CUBN: variants seen among roughly 807,000 people sequenced by gnomAD.
CUBN encodes 460 kDa receptor.
In CUBN, 282 loss-of-function variants were observed where a neutral mutation model predicts 405.3. The observed-to-expected ratio is 0.70, with a 90% CI of 0.63 to 0.77. The LOEUF is 0.77. Ranked by LOEUF, CUBN falls within the 30% of genes least tolerant of loss-of-function variation. CUBN has a pLI of 0.00. For missense variants in CUBN, 4,514 were observed against 4,475.2 expected, an observed-to-expected ratio of 1.01 and a Z score of -0.25; for synonymous variants, 1,684 against 1,617.0, an observed-to-expected ratio of 1.04 and a Z score of -0.99.
At chr10:17,008,150 C>CA (rs954862775) in intron 28 of CUBN, among the ~76,000 whole-genome samples, 63 of 147,952 alleles carry the variant, frequency 4.3e-4, no homozygotes, top group African/African-American at 1.2e-3. Context: ...CACCTCGTCT[C>CA]AAAAAAAAAA....
intron 63 of CUBN, 124 bp from the exon 64 acceptor site, chr10:16,835,319 C>T: frequency 1.2e-6 from 1 of 854,422 alleles, no homozygotes; most frequent in Non-Finnish European, 1.9e-6. Flanking sequence ...AATCCAGCTT[C>T]TTCGTTTACC....
At chr10:17,049,878 A>G (rs1286887183) in intron 22 of CUBN, among the ~76,000 whole-genome samples, 1 of 152,194 alleles carries the variant, frequency 6.6e-6, no homozygotes, top group African/African-American at 2.4e-5. Context: ...ATATTTTGTA[A>G]TTGTTTTTAT....
rs778517256 is a variant in CUBN at position 16,918,759 on chromosome 10, G to A, written c.6863C>T (p.Ser2288Leu). The change falls in exon 45 of 67, where the codon TCG (serine) becomes TTG (leucine). Residue 2288 changes from serine to leucine, a missense_variant. Physicochemically the swap from Ser to Leu is moderately radical, Grantham distance 145. This residue lies in a region of CUBN where 1,613 missense variants were observed against 1,542.8 expected (regional missense o/e 1.05). Coordinates refer to ENST00000377833, the MANE Select transcript of CUBN (RefSeq NM_001081.4). Reference sequence around the variant, plus strand: ...AAATTTGGAAAGTATTGGTGCATCCGAATCCACTCCATCCCGCAACTCAAG... The same window carrying A: ...AAATTTGGAAAGTATTGGTGCATCCAAATCCACTCCATCCCGCAACTCAAG... ...NYLELRDGVD[S>L]DAPILSKFCG... The A allele has an allele frequency of 1.6e-5, 26 of 1,613,700 alleles. No individual in the cohort carries two copies. Among genetic ancestry groups the A allele is most frequent in the African/African-American group, 2.7e-5 (2 of 74,882 alleles).
chr10:16,925,255 T>C lies in CUBN; in HGVS notation c.6632A>G (p.Glu2211Gly). The C allele has an allele frequency of 6.2e-7, 1 of 1,612,542 alleles. No homozygotes were observed. Among genetic ancestry groups the C allele is most frequent in the Non-Finnish European group, 8.5e-7 (1 of 1,178,670 alleles). ...NEGQGFKIKY[E>G]AKSLACGGNV... ...AAAATACTTACCTAAACTCTTTGCC[T>C]CATATTTGATTTTAAATCCTTGCCC... The change falls in exon 43 of 67, where the codon GAG becomes GGG. Residue 2211 changes from glutamate to glycine, a missense_variant. Transcript: ENST00000377833.
At chr10:16,963,188 TTTTTTTTC>T (rs1360820797) in intron 31 of CUBN, among the ~76,000 whole-genome samples, 1 of 22,714 alleles carries the variant, frequency 4.4e-5, no homozygotes, top group African/African-American at 1.2e-4. Context: ...TTTTCTTTTC[TTTTTTTTC>T]TTTTTTTTTT....
At chr10:17,080,129 ACACAG>A (rs1319187746) in intron 17 of CUBN, among the ~76,000 whole-genome samples, 1 of 152,146 alleles carries the variant, frequency 6.6e-6, no homozygotes, top group East Asian at 1.9e-4. Flanking sequence ...AGGTTTTGAT[ACACAG>A]CATTTCCTGT....
chr10:17,005,716 C>A (rs965907664), intron 28 of CUBN, among the ~76,000 whole-genome samples: 1 of 152,134 alleles, frequency 6.6e-6, no homozygotes, highest in Non-Finnish European at 1.5e-5. Flanking sequence ...ACTTGGTTTA[C>A]CTGCCTTGCC....
chr10:16,863,946 C>T (rs142975886), intron 59 of CUBN, among the ~76,000 whole-genome samples: 6 of 152,214 alleles, frequency 3.9e-5, no homozygotes, highest in East Asian at 1.9e-4. Context: ...GAGTGTGATC[C>T]GGTATTCCTA....
chr10:16,880,231 A>G (rs957957093), intron 56 of CUBN, among the ~76,000 whole-genome samples: 1 of 152,198 alleles, frequency 6.6e-6, no homozygotes, highest in Admixed American at 6.5e-5. Flanking sequence ...GATTAGAGTC[A>G]CTGTTGCTAT....
At chr10:17,081,804 T>C (rs1368524097) in intron 17 of CUBN, among the ~76,000 whole-genome samples, 1 of 152,230 alleles carries the variant, frequency 6.6e-6, no homozygotes, top group Non-Finnish European at 1.5e-5. Context: ...TTGACCTTTG[T>C]GAGCCTCAAT....
In CUBN at chr10:17,085,728, A is replaced by G. The variant is rs538292107; in HGVS notation, c.1979T>C (p.Leu660Pro). 6.2e-7 allele frequency: 1 copy of G among 1,614,086 alleles called. No individual in the cohort carries two copies. The highest frequency in any genetic ancestry group is 1.1e-5 in the South Asian group (1 of 91,074). ...IRDGPLYQDP[L>P]LGKFCTTFSV... ...GAAAGTGGTGCAGAACTTCCCAAGA[A>G]GGGGGTCCTGATACAAAGGACCATC... Residue 660 changes from leucine (L) to proline (P), a missense_variant, in exon 16 of 67, where the codon CTT becomes CCT. Leu to Pro is a moderately conservative substitution (Grantham distance 98). Transcript: ENST00000377833.
chr10:17,081,963 C>T (rs975083451), intron 17 of CUBN, among the ~76,000 whole-genome samples: 1 of 106,280 alleles, frequency 9.4e-6, no homozygotes, highest in Non-Finnish European at 2.0e-5. Context: ...CTGAATAATA[C>T]AGTTTTTTTT....
intron 14 of CUBN, among the ~76,000 whole-genome samples, chr10:17,090,735 A>G (rs1309009752): frequency 6.7e-6 from 1 of 148,538 alleles, no homozygotes; most frequent in Non-Finnish European, 1.5e-5. Flanking sequence ...TTTTGAAAAT[A>G]TGTACAGTAG....
At chr10:16,872,135 G>A (rs1840373682) in intron 58 of CUBN, among the ~76,000 whole-genome samples, 1 of 152,112 alleles carries the variant, frequency 6.6e-6, no homozygotes, top group Non-Finnish European at 1.5e-5. Flanking sequence ...AGCTACTCAG[G>A]AGGCTAAGGT....
chr10:17,120,227 T>G (rs1279170229), intron 6 of CUBN, among the ~76,000 whole-genome samples: 1 of 152,262 alleles, frequency 6.6e-6, no homozygotes, highest in African/African-American at 2.4e-5. Context: ...GTTCACTTGT[T>G]TCATTACACG....
At position 17,046,054 on chromosome 10, in the gene CUBN, A is replaced by G. The variant is rs1360682852; in HGVS notation, c.3370T>C (p.Tyr1124His). 1 of 1,613,914 alleles carries G rather than the reference A, an allele frequency of 6.2e-7. No homozygotes were observed. The highest frequency in any genetic ancestry group is 1.1e-5 in the South Asian group (1 of 91,086). Residue 1124 changes from tyrosine to histidine, a missense_variant, in exon 24 of 67, where the codon TAT (tyrosine) becomes CAT (histidine). Physicochemically the swap from Tyr to His is moderately conservative, Grantham distance 83 (BLOSUM62 2). Coordinates refer to ENST00000377833, the MANE Select transcript of CUBN (RefSeq NM_001081.4). ...YEKSPLLGIF[Y>H]GSNLPPTIIS... Reference sequence around the variant, plus strand: ...ATTGTTGGGGGTAGATTTGAGCCATAGAATATTCCCAGCAATGGTGATTTT... The same window carrying G: ...ATTGTTGGGGGTAGATTTGAGCCATGGAATATTCCCAGCAATGGTGATTTT...
At chr10:17,050,920 G>C (rs1003458367) in intron 22 of CUBN, among the ~76,000 whole-genome samples, 6 of 152,090 alleles carry the variant, frequency 3.9e-5, no homozygotes, top group African/African-American at 1.4e-4. Context: ...TAATCAGCTA[G>C]ATATCAAACT....
At chr10:17,112,171 T>C (rs1373935294) in intron 8 of CUBN, among the ~76,000 whole-genome samples, 1 of 152,166 alleles carries the variant, frequency 6.6e-6, no homozygotes, top group African/African-American at 2.4e-5. Flanking sequence ...TAAAAACCTT[T>C]AAAGATTTAA....
chr10:16,891,893 C>T (rs565834185), intron 54 of CUBN, among the ~76,000 whole-genome samples: 28 of 152,032 alleles, frequency 1.8e-4, no homozygotes, highest in East Asian at 1.2e-3. Flanking sequence ...ACACAATCTG[C>T]AATACCCAAT....
Sources: gnomAD v4.1 joint callset for allele counts (sites outside exome capture counted in the v4.1 genomes callset) on GRCh38, gnomAD v4.1.1 for gene constraint, gnomAD v4.1.1 regional missense constraint, MANE v1.5 for transcripts, NCBI Gene and HGNC (gene_info 2026-07-23, HGNC 2026-07-21) for gene names.